Variants in ULK1 observed in about 807,000 individuals in gnomAD.
The protein encoded by ULK1 is serine/threonine-protein kinase ULK1.
Under a neutral mutation model 117.5 loss-of-function variants are expected in ULK1, and 48 were observed. The ratio of observed to expected loss-of-function variants is 0.41; its 90% CI spans 0.32 to 0.52. The LOEUF is 0.52. Ranked by LOEUF, ULK1 falls within the 20% of genes least tolerant of loss-of-function variation. ULK1 has a pLI of 0.29. For missense variants in ULK1, 1,387 were observed against 1,473.4 expected, an observed-to-expected ratio of 0.94 and a Z score of 0.96; for synonymous variants, 790 against 637.8, an observed-to-expected ratio of 1.24 and a Z score of -3.60.
At chr12:131,895,262 A>T in intron 1 of ULK1, 150 bp downstream of exon 1, 1 of 130,338 alleles carries the variant, frequency 7.7e-6, no homozygotes, top group East Asian at 1.4e-4. Flanking sequence ...CAGGATCCCC[A>T]CCCCGCGACC....
rs773959471 is a variant in ULK1, at chr12:131,906,946, G to C, written c.279+22G>C. On this transcript the variant is annotated intron_variant, in intron 4 of 27. Transcript: ENST00000321867. ...GGAGGTGAGTGCCTTGTGGTGCCAG[G>C]ACAAGTGCAGGCTGATGGCCATGGC... 1.9e-6 allele frequency: 3 copies of C among 1,614,062 alleles called. No homozygotes were observed. In the South Asian group the frequency reaches 3.3e-5, roughly 18 times the overall value.
rs1171035966 is a variant in ULK1, at chr12:131,902,773, C to T, written c.247-4119C>T. On this transcript the variant is annotated intron_variant, in intron 3 of 27. Coordinates refer to ENST00000321867, the MANE Select transcript of ULK1 (RefSeq NM_003565.4). This position sits in a 1 kb window ranked among gnomAD's most constrained non-coding sequence, Gnocchi z 6.3. ...CACAACTGTGTGTGTCACCACGGGA[C>T]GGACCCCCGGACCCTGTCTTGGGAG... 2.0e-5 allele frequency among the ~76,000 whole-genome samples: 3 copies of T among 152,026 alleles called. No individual in the cohort carries two copies. The highest frequency in any genetic ancestry group is 7.2e-5 in the African/African-American group (3 of 41,380).
chr12:131,915,944 C>T lies in ULK1; in HGVS notation c.1663C>T (p.His555Tyr). ...CACTTCCGGGCTGGGCTGCCGCCTG[C>T]ACAGCGCCCCCAACCTGTCTGACTT... ...PRTSGLGCRL[H>Y]SAPNLSDLHV... Residue 555 changes from histidine (H) to tyrosine (Y), a missense_variant, in exon 19 of 28, where the codon CAC (histidine) becomes TAC (tyrosine). This residue lies in a region of ULK1 where 900 missense variants were observed against 858.9 expected (regional missense o/e 1.05). Coordinates refer to ENST00000321867, the MANE Select transcript of ULK1 (RefSeq NM_003565.4). 6.2e-7 allele frequency: 1 copy of T among 1,612,508 alleles called. No homozygotes were observed.
intron 8 of ULK1, 138 bp downstream of exon 8, chr12:131,909,375 G>T (rs1889420064): frequency 2.0e-6 from 2 of 984,644 alleles, no homozygotes; most frequent in South Asian, 1.7e-5. Context: ...GGGCGTCCAG[G>T]GGTCCAGTGG....
At chr12:131,910,607 G>A (rs1294619273) in intron 11 of ULK1, 105 bp from the exon 12 acceptor site, 16 of 1,607,258 alleles carry the variant, frequency 1.0e-5, no homozygotes, top group Admixed American at 6.7e-5. Context: ...GGGTGTAGCC[G>A]GAAGTGGAGG....
intron 4 of ULK1, among the ~76,000 whole-genome samples, 193 bp from the exon 5 acceptor site, chr12:131,907,302 T>A (rs997866507): frequency 2.0e-5 from 3 of 152,208 alleles, no homozygotes; most frequent in Non-Finnish European, 4.4e-5. Context: ...ATTACAGGCG[T>A]GAGCTGCCAC....
chr12:131,916,879 G>C, intron 20 of ULK1, 74 bp from the exon 21 acceptor site: 1 of 1,359,436 alleles, frequency 7.4e-7, no homozygotes, highest in Non-Finnish European at 1.0e-6. Flanking sequence ...TGTCTGGCCT[G>C]CAGAGGGACC....
chr12:131,921,365 T>A lies in ULK1; in HGVS notation c.*4T>A. The A allele has an allele frequency of 6.2e-7, 1 of 1,603,100 alleles. No homozygotes were observed. The highest frequency in any genetic ancestry group is 8.5e-7 in the Non-Finnish European group (1 of 1,179,908). On this transcript the variant is annotated 3_prime_UTR_variant, in exon 28 of 28. Transcript: ENST00000321867. ...GCTGACTGGCATCTGTGCCTGACCTTTCTGGCCTGGCTGGGCCCCCCGTCC... is the reference window on the plus strand; with the variant it reads ...GCTGACTGGCATCTGTGCCTGACCTATCTGGCCTGGCTGGGCCCCCCGTCC...
At chr12:131,918,108 C>T (rs992118171) in intron 22 of ULK1, among the ~76,000 whole-genome samples, 6 of 152,200 alleles carry the variant, frequency 3.9e-5, no homozygotes, top group Non-Finnish European at 5.9e-5. Context: ...CTGCCTTGCC[C>T]TTTGAGGTCC....
rs1258643579 is a variant in ULK1 at position 131,915,194 on chromosome 12, T to C, written c.1485T>C (p.Ser495=). The part of the protein sequence containing the change: ...EHGGVLARKM[S]LGGGRPYTPS... ...GAGGCGTCCTGGCCAGGAAGATGTC[T>C]CTGGGTGGAGGCCGGCCCTACACGC... The change falls in exon 17 of 28, where the codon TCT becomes TCC. Residue 495 remains serine, a synonymous_variant. Coordinates refer to ENST00000321867, the MANE Select transcript of ULK1 (RefSeq NM_003565.4). The C allele has an allele frequency of 1.2e-6, 2 of 1,600,850 alleles. No individual in the cohort carries two copies. Among genetic ancestry groups the C allele is most frequent in the African/African-American group, 1.3e-5 (1 of 74,910 alleles).
In ULK1 at chr12:131,909,764, C is replaced by T. The variant is rs1246582671; in HGVS notation, c.667-11C>T. On this transcript the variant is annotated splice_polypyrimidine_tract_variant and intron_variant, in intron 8 of 27. Transcript: ENST00000321867. Reference sequence around the variant, plus strand: ...GCAGCCCTGGCAGTCAGGCTGTCCCCGTCCCCGCAGGCCAGCAGCCCCCAG... The same window carrying T: ...GCAGCCCTGGCAGTCAGGCTGTCCCTGTCCCCGCAGGCCAGCAGCCCCCAG... The T allele has an allele frequency of 5.6e-6, 9 of 1,597,228 alleles. No homozygotes were observed. Among genetic ancestry groups the T allele is most frequent in the Middle Eastern group, 3.3e-4 (2 of 5,986 alleles).
rs1566120131 is a variant in ULK1 at position 131,910,269 on chromosome 12, AC to A, written c.827del (p.Pro276LeufsTer107). 2 of 1,613,584 alleles carry A rather than the reference AC, an allele frequency of 1.2e-6. No homozygotes were observed. Among genetic ancestry groups the A allele is most frequent in the Non-Finnish European group, 1.7e-6 (2 of 1,179,944 alleles). ...DRMDFDEFFH[H>X]PFLDASPSVR... ...CCTCCTGCAGATGAGTTTTTTCATC[AC>A]CCTTTCCTCGATGCCAGCCCCTCGG... On this transcript the variant is annotated frameshift_variant, in exon 11 of 28. Coordinates refer to ENST00000321867, the MANE Select transcript of ULK1 (RefSeq NM_003565.4). LOFTEE classifies it high-confidence loss of function.
chr12:131,919,413 G>A (rs905488530), intron 24 of ULK1, 29 bp downstream of exon 24: 17 of 1,567,972 alleles, frequency 1.1e-5, no homozygotes, highest in East Asian at 6.9e-5. Flanking sequence ...GGGGTGGGGC[G>A]GGTGGTGGCC....
chr12:131,897,784 C>G (rs1888934272), intron 3 of ULK1: 1 of 152,070 alleles, frequency 6.6e-6, no homozygotes, highest in Non-Finnish European at 1.5e-5. Context: ...AGTGGCATGT[C>G]TCAGCTACTA....
At chr12:131,909,714 C>G in intron 8 of ULK1, 61 bp from the exon 9 acceptor site, 1 of 1,478,592 alleles carries the variant, frequency 6.8e-7, no homozygotes, top group Non-Finnish European at 9.0e-7. Flanking sequence ...CGCACCGAGA[C>G]CCCGTGGGCT....
rs555704782 is a variant in ULK1, at chr12:131,919,375, G to A, written c.2675G>A (p.Arg892Gln). ...GCCGACCAGATCAGCCTGCTGAGCC[G>A]AGAATGGGGGTGGGTGCCGCCAGGG... is the stretch of plus-strand genomic sequence containing the variant. ...VVADQISLLS[R>Q]EWGFAEQLVL... The change falls in exon 24 of 28, where the codon CGA (arginine) becomes CAA (glutamine). Residue 892 changes from arginine (R) to glutamine (Q), a missense_variant. Around this residue, in one of 4 missense-constraint regions of ULK1, gnomAD observed 900 missense variants for 858.9 expected, o/e 1.05. Transcript: ENST00000321867. The A allele has an allele frequency of 2.8e-4, 344 of 1,208,640 alleles. 3 individuals are homozygous for A. In the South Asian group the frequency reaches 3.9e-3, roughly 14 times the overall value. The allele number at this position is 1,208,640 out of a possible 1,614,324, so 74.9% of individuals were successfully genotyped here. A position where few individuals can be genotyped will look rare whatever the true frequency, so the allele number is the denominator to read the frequency against.
rs375776903 is a variant in ULK1 at position 131,916,541 on chromosome 12, G to A, written c.2022G>A (p.Pro674=). The part of the protein sequence containing the change: ...LSEVGPFHGQ[P]LGPGLRPGED... Reference sequence around the variant, plus strand: ...AGGTGGGACCCTTCCATGGTCAGCCGTTGGGCCCTGGCCTGCGGCCAGGCG... The same window carrying A: ...AGGTGGGACCCTTCCATGGTCAGCCATTGGGCCCTGGCCTGCGGCCAGGCG... Residue 674 remains proline (P), a synonymous_variant, in exon 20 of 28, where the codon CCG becomes CCA. Coordinates refer to ENST00000321867, the MANE Select transcript of ULK1 (RefSeq NM_003565.4). The A allele has an allele frequency of 8.2e-5, 132 of 1,608,980 alleles. No homozygotes were observed. In the African/African-American group the frequency reaches 1.3e-3, roughly 16 times the overall value.
chr12:131,918,927 T>G (rs1362064577), intron 23 of ULK1, among the ~76,000 whole-genome samples: 2 of 64,982 alleles, frequency 3.1e-5, no homozygotes, highest in African/African-American at 1.4e-4. Flanking sequence ...GGGTGCAGGG[T>G]GTGTGGGGTG....
chr12:131,918,943 TGTGTGGGGTGCAGG>T (rs1566129283), intron 23 of ULK1, among the ~76,000 whole-genome samples: 10 of 80,122 alleles, frequency 1.2e-4, no homozygotes, highest in South Asian at 4.6e-4. Context: ...GGGTGCAGGG[TGTGTGGGGTGCAGG>T]GTGTGGGGTG....
Sources: allele counts gnomAD v4.1 joint callset (sites outside exome capture counted in the v4.1 genomes callset), GRCh38; gene constraint gnomAD v4.1.1; regional missense constraint gnomAD v4.1.1; non-coding constraint Gnocchi (gnomAD v3.1); transcripts MANE v1.5; gene names NCBI Gene and HGNC (gene_info 2026-07-23, HGNC 2026-07-21).